PAWR: variants seen among roughly 807,000 people sequenced by gnomAD.
PAWR encodes the protein pro-apoptotic WT1 regulator, also known as PRKC apoptosis WT1 regulator protein.
A neutral mutation model predicts 32.0 loss-of-function variants in PAWR; 23 were observed. That is an observed-to-expected ratio of 0.72 (90% CI 0.52 to 1.02). The LOEUF (loss-of-function observed/expected upper bound fraction) is 1.02. Among genes scored for constraint, PAWR ranks in the 50% least tolerant of loss-of-function variants. The probability of loss-of-function intolerance (pLI) is 0.00; values close to 1 mark genes in which losing one functional copy is unlikely to be tolerated. For missense variants in PAWR, 457 were observed against 437.7 expected (o/e 1.04, Z -0.39); for synonymous variants, 226 against 187.1 (o/e 1.21, Z -1.70).
At position 79,596,673 on chromosome 12, in the gene PAWR, A is replaced by G. The variant is rs1270214302; in HGVS notation, c.684-15T>C. 2 of 1,535,954 alleles carry G rather than the reference A, an allele frequency of 1.3e-6. No individual in the cohort carries two copies. The highest frequency in any genetic ancestry group is 1.8e-6 in the Non-Finnish European group (2 of 1,141,690). Reference sequence around the variant, plus strand: ...CACTGGTTGTGCTGTGGAAATATAAACATTTTATTAAAATCCCTAGTATTC... The same window carrying G: ...CACTGGTTGTGCTGTGGAAATATAAGCATTTTATTAAAATCCCTAGTATTC... On this transcript the variant is annotated splice_polypyrimidine_tract_variant and intron_variant, in intron 4 of 6. Coordinates refer to ENST00000328827, the MANE Select transcript of PAWR (RefSeq NM_002583.4).
chr12:79,645,130 G>A (rs961298883), intron 2 of PAWR, among the ~76,000 whole-genome samples: 4 of 151,758 alleles, frequency 2.6e-5, no homozygotes, highest in Non-Finnish European at 5.9e-5. Context: ...GTTTTAAGAA[G>A]TTGTACAGTG....
chr12:79,648,122 A>C (rs1291914906), intron 2 of PAWR, among the ~76,000 whole-genome samples: 2 of 152,224 alleles, frequency 1.3e-5, no homozygotes, highest in African/African-American at 4.8e-5. Context: ...GGTTTCTAAC[A>C]GGCCAAGGAC....
intron 2 of PAWR, among the ~76,000 whole-genome samples, chr12:79,672,546 T>C (rs1419792045): frequency 1.3e-5 from 2 of 152,184 alleles, no homozygotes; most frequent in African/African-American, 4.8e-5. Context: ...CCTTGCTCCA[T>C]ATAGAGGCTT....
At chr12:79,673,546 A>G (rs1042380684) in intron 2 of PAWR, among the ~76,000 whole-genome samples, 1 of 152,176 alleles carries the variant, frequency 6.6e-6, no homozygotes, top group South Asian at 2.1e-4. Context: ...AGCTGAAACC[A>G]GCCTTATTGT....
intron 2 of PAWR, among the ~76,000 whole-genome samples, chr12:79,631,229 C>T (rs1875609037): frequency 6.6e-6 from 1 of 152,136 alleles, no homozygotes; most frequent in South Asian, 2.1e-4. Flanking sequence ...TCAATCTTTT[C>T]CCCTGGGACC....
At chr12:79,621,590 G>A (rs1362046472) in intron 2 of PAWR, among the ~76,000 whole-genome samples, 1 of 152,090 alleles carries the variant, frequency 6.6e-6, no homozygotes, top group African/African-American at 2.4e-5. Flanking sequence ...TAGTAGGAAA[G>A]ATAATACATA....
At chr12:79,668,648 C>T (rs1196458033) in intron 2 of PAWR, among the ~76,000 whole-genome samples, 5 of 152,156 alleles carry the variant, frequency 3.3e-5, no homozygotes, top group South Asian at 2.1e-4. Flanking sequence ...AAAGAGGGTT[C>T]GTGTTCCTAT....
intron 2 of PAWR, among the ~76,000 whole-genome samples, chr12:79,630,990 T>C (rs1195235801): frequency 6.6e-6 from 1 of 152,048 alleles, no homozygotes; most frequent in Non-Finnish European, 1.5e-5. Context: ...ATGACCAAAA[T>C]GGGGTCTATC....
At chr12:79,626,988 G>A (rs760328823) in intron 2 of PAWR, among the ~76,000 whole-genome samples, 8 of 151,990 alleles carry the variant, frequency 5.3e-5, no homozygotes, top group South Asian at 4.2e-4. Context: ...CCAGTCTATC[G>A]TTGTTGGATA....
In PAWR at chr12:79,592,605, C is replaced by T. The variant is rs1345509359; in HGVS notation, c.*2G>A. On this transcript the variant is annotated 3_prime_UTR_variant, in exon 7 of 7. Transcript: ENST00000328827. ...TTTTTTCCACATTGAGTCTTGAATC[C>T]TCTACCTGGTCAGCTGACCCACAAC... The T allele has an allele frequency of 9.2e-6, 7 of 757,048 alleles. No homozygotes were observed. The highest frequency in any genetic ancestry group is 1.7e-5 in the African/African-American group (1 of 57,304). The allele number at this position is 757,048 out of a possible 1,614,324, so 46.9% of individuals were successfully genotyped here.
At chr12:79,681,223 A>C (rs1878431585) in intron 2 of PAWR, among the ~76,000 whole-genome samples, 1 of 152,108 alleles carries the variant, frequency 6.6e-6, no homozygotes, top group Admixed American at 6.5e-5. Flanking sequence ...TCAAAAAGCC[A>C]CATAATAAGG....
chr12:79,596,602 C>T lies in PAWR; in HGVS notation c.740G>A (p.Ser247Asn), dbSNP rs1315510293. 4 of 1,598,466 alleles carry T rather than the reference C, an allele frequency of 2.5e-6. No homozygotes were observed. In the South Asian group the frequency reaches 3.3e-5, roughly 13 times the overall value. ...ATCCCTGTTATATCTAGGGAACCCA[C>T]TTCTATCTGTTCGAGAATATCTACT... is the stretch of plus-strand genomic sequence containing the variant. ...VSSRYSRTDR[S>N]GFPRYNRDAN... Residue 247 changes from serine to asparagine, a missense_variant, in exon 5 of 7, where the codon AGT (serine) becomes AAT (asparagine). Transcript: ENST00000328827.
chr12:79,669,577 T>A (rs1358963352), intron 2 of PAWR, among the ~76,000 whole-genome samples: 2 of 152,136 alleles, frequency 1.3e-5, no homozygotes, highest in African/African-American at 4.8e-5. Flanking sequence ...CTAACAAACA[T>A]CTAGATAATC....
chr12:79,596,559 A>C lies in PAWR; in HGVS notation c.783T>G (p.Thr261=). ...TTTCCAGTGTGCTACTTGAAACCAGAGTACCTGAAACATTTGCATCCCTGT... is the reference window on the plus strand; with the variant it reads ...TTTCCAGTGTGCTACTTGAAACCAGCGTACCTGAAACATTTGCATCCCTGT... ...RYNRDANVSG[T]LVSSSTLEKK... Residue 261 remains threonine, a synonymous_variant, in exon 5 of 7, where the codon ACT becomes ACG. Transcript: ENST00000328827. The C allele has an allele frequency of 6.3e-7, 1 of 1,598,018 alleles. No homozygotes were observed. Among genetic ancestry groups the C allele is most frequent in the Non-Finnish European group, 8.6e-7 (1 of 1,167,468 alleles).
At chr12:79,682,291 A>G (rs1269307655) in intron 2 of PAWR, among the ~76,000 whole-genome samples, 1 of 152,142 alleles carries the variant, frequency 6.6e-6, no homozygotes, top group Non-Finnish European at 1.5e-5. Flanking sequence ...TGGTAGCATT[A>G]GAGGTGTGAG....
chr12:79,665,458 T>C (rs1337566581), intron 2 of PAWR, among the ~76,000 whole-genome samples: 1 of 152,238 alleles, frequency 6.6e-6, no homozygotes, highest in Non-Finnish European at 1.5e-5. Flanking sequence ...GTATAGATAG[T>C]TGGCTCAATA....
chr12:79,607,426 T>G (rs1874230660), intron 4 of PAWR, among the ~76,000 whole-genome samples: 1 of 152,166 alleles, frequency 6.6e-6, no homozygotes. Context: ...TTCCCACCGT[T>G]AAAGAATCTG....
At chr12:79,636,860 T>C (rs2136759275) in intron 2 of PAWR, among the ~76,000 whole-genome samples, 1 of 152,264 alleles carries the variant, frequency 6.6e-6, no homozygotes, top group Middle Eastern at 3.4e-3. Flanking sequence ...AGACACAACA[T>C]ATGTACATCT....
At chr12:79,680,291 C>T (rs201884969) in intron 2 of PAWR, among the ~76,000 whole-genome samples, 10 of 152,300 alleles carry the variant, frequency 6.6e-5, no homozygotes, top group East Asian at 5.8e-4. Flanking sequence ...TCACTGCATA[C>T]GTTATGAGCT....
Sources: allele counts gnomAD v4.1 joint callset (sites outside exome capture counted in the v4.1 genomes callset), GRCh38; gene constraint gnomAD v4.1.1; transcripts MANE v1.5; gene names NCBI Gene and HGNC (gene_info 2026-07-23, HGNC 2026-07-21).